Variants in LACTBL1 observed in about 807,000 individuals in gnomAD.
LACTBL1 encodes lactamase beta like 1.
Under a neutral mutation model 39.6 loss-of-function variants are expected in LACTBL1, and 29 were observed. That is an observed-to-expected ratio of 0.73 (90% CI 0.55 to 1.00). The LOEUF is 1.00. Ranked by LOEUF, LACTBL1 falls within the 50% of genes least tolerant of loss-of-function variation. The pLI, the probability that LACTBL1 is intolerant of heterozygous loss-of-function variation, is 0.00. For missense variants in LACTBL1, 711 were observed against 748.5 expected, an observed-to-expected ratio of 0.95 and a Z score of 0.59; for synonymous variants, 361 against 360.7, an observed-to-expected ratio of 1.00 and a Z score of -0.01.
chr1:22,969,571 C>T (rs187481718), upstream of LACTBL1, among the ~76,000 whole-genome samples: 167 of 152,246 alleles, frequency 1.1e-3, no homozygotes, highest in Non-Finnish European at 1.8e-3. Flanking sequence ...TTCTATGATC[C>T]GACTCCAGCG....
At chr1:22,953,094 G>A (rs1019100120) in exon 6 of LACTBL1, 3 of 1,232,256 alleles carry the variant, frequency 2.4e-6, no homozygotes, top group Non-Finnish European at 3.0e-6. Context: ...CTCTGTACGT[G>A]TTGAGGCCGG....
intron 4 of LACTBL1, among the ~76,000 whole-genome samples, chr1:22,957,907 C>T (rs1223901667): frequency 6.6e-6 from 1 of 152,106 alleles, no homozygotes; most frequent in Non-Finnish European, 1.5e-5. Context: ...CCGCCTCAAC[C>T]TTCCAAAGTG....
At chr1:22,953,149 A>G in exon 6 of LACTBL1, 1 of 1,232,188 alleles carries the variant, frequency 8.1e-7, no homozygotes, top group Non-Finnish European at 1.0e-6. Flanking sequence ...CAAGGGGTAG[A>G]AGTTGACCAG....
At chr1:22,958,159 C>T (rs570512716) in intron 4 of LACTBL1, among the ~76,000 whole-genome samples, 6 of 152,234 alleles carry the variant, frequency 3.9e-5, no homozygotes, top group African/African-American at 1.4e-4. Flanking sequence ...AATCATAGCT[C>T]GGTGCAGCCT....
At chr1:22,959,667 T>A (rs1640799204) in intron 3 of LACTBL1, among the ~76,000 whole-genome samples, 1 of 152,214 alleles carries the variant, frequency 6.6e-6, no homozygotes, top group Non-Finnish European at 1.5e-5. Flanking sequence ...GGGCACAAGG[T>A]AGCCTTTTCT....
At chr1:22,967,914 T>C (rs192003420), upstream of LACTBL1, among the ~76,000 whole-genome samples, 2 of 152,324 alleles carry the variant, frequency 1.3e-5, no homozygotes, top group Non-Finnish European at 2.9e-5. Context: ...GTTAAATGCC[T>C]GACTGGATGA....
At chr1:22,962,997 T>C (rs1640841177) in intron 2 of LACTBL1, 110 bp downstream of exon 4, 2 of 487,886 alleles carry the variant, frequency 4.1e-6, no homozygotes, top group South Asian at 9.9e-5. Flanking sequence ...AAGAAATACA[T>C]GTTGGACGGA....
chr1:22,969,371 C>G (rs1640915000), upstream of LACTBL1, among the ~76,000 whole-genome samples: 1 of 152,222 alleles, frequency 6.6e-6, no homozygotes, highest in South Asian at 2.1e-4. Flanking sequence ...TATGCCAACT[C>G]TGAAGTATAT....
At chr1:22,955,045 A>G (rs911174278) in intron 5 of LACTBL1, among the ~76,000 whole-genome samples, 2 of 152,226 alleles carry the variant, frequency 1.3e-5, no homozygotes, top group African/African-American at 4.8e-5. Flanking sequence ...CGAGGAGCAA[A>G]CCGGGTGTTT....
chr1:22,954,602 AG>A (rs1260485527), intron 5 of LACTBL1, among the ~76,000 whole-genome samples: 1 of 152,180 alleles, frequency 6.6e-6, no homozygotes, highest in African/African-American at 2.4e-5. Flanking sequence ...CAGATGAGGA[AG>A]ATTAGTTAGA....
At chr1:22,953,178 G>C (rs1204786095) in exon 6 of LACTBL1, 1 of 1,232,010 alleles carries the variant, frequency 8.1e-7, no homozygotes, top group Non-Finnish European at 1.0e-6. Context: ...GCTGGGCCTC[G>C]AGCGAGAGCC....
At chr1:22,953,840 G>A (rs976341399) in exon 6 of LACTBL1, 2 of 1,548,120 alleles carry the variant, frequency 1.3e-6, no homozygotes, top group African/African-American at 1.4e-5. Flanking sequence ...GGCGCCGGCC[G>A]CCCGCTGCCG....
chr1:22,960,259 T>G (rs751168), intron 2 of LACTBL1, among the ~76,000 whole-genome samples, 160 bp from the exon 5 acceptor site: 76,804 of 152,124 alleles, frequency 0.5, 23,387 homozygotes, highest in Non-Finnish European at 0.69. Context: ...TTGGGCTTCT[T>G]CATAAGATGT....
chr1:22,971,275 T>C, the LACTBL1 span, among the ~76,000 whole-genome samples: 1 of 152,158 alleles, frequency 6.6e-6, no homozygotes, highest in Non-Finnish European at 1.5e-5. Flanking sequence ...GTAGCCCTCC[T>C]CTGGGGCCTA....
At chr1:22,962,711 C>T (rs1640837873) in intron 2 of LACTBL1, among the ~76,000 whole-genome samples, 2 of 152,246 alleles carry the variant, frequency 1.3e-5, no homozygotes, top group Admixed American at 1.3e-4. Context: ...TCTCCATCCC[C>T]AGGGTCCCTC....
At position 22,958,671 on chromosome 1, in the gene LACTBL1, G is replaced by A; in HGVS notation, c.553+14C>T. 1 of 1,532,684 alleles carries A rather than the reference G, an allele frequency of 6.5e-7. No individual in the cohort carries two copies. Among genetic ancestry groups the A allele is most frequent in the African/African-American group, 1.4e-5 (1 of 73,030 alleles). 94.9% of individuals were successfully genotyped at this position (1,532,684 alleles called of 1,614,324 possible). A position where few individuals can be genotyped will look rare whatever the true frequency, so the allele number is the denominator to read the frequency against. ...AAATGGTTTGGGTCAGCCTGAGTCA[G>A]TTCTGAGACTCACCTGAGAGCTGGC... On this transcript the variant is annotated intron_variant, in intron 4 of 5. Transcript: ENST00000426928.
chr1:22,963,115 G>C (rs1640842409), exon 2 of LACTBL1: 6 of 1,288,972 alleles, frequency 4.7e-6, no homozygotes, highest in Middle Eastern at 4.0e-4. Context: ...ACCTTTTCCA[G>C]GGCCTCCTTC....
the LACTBL1 span, among the ~76,000 whole-genome samples, chr1:22,971,719 A>G: frequency 6.6e-6 from 1 of 152,218 alleles, no homozygotes; most frequent in African/African-American, 2.4e-5. Context: ...GGGGCCAGGG[A>G]AGTAGGACTT....
exon 4 of LACTBL1, chr1:22,958,853 C>T (rs1640788109): frequency 6.4e-7 from 1 of 1,550,580 alleles, no homozygotes. Context: ...TCTAGGGAGG[C>T]CACGATGCCC....
Sources: allele counts gnomAD v4.1 joint callset (sites outside exome capture counted in the v4.1 genomes callset), GRCh38; gene constraint gnomAD v4.1.1; transcripts MANE v1.5; gene names NCBI Gene and HGNC (gene_info 2026-07-23, HGNC 2026-07-21).